NIPAL3: variants seen among roughly 807,000 people sequenced by gnomAD.
NIPAL3 encodes NIPA like domain containing 3.
Under a neutral mutation model 47.2 loss-of-function variants are expected in NIPAL3, and 41 were observed. The observed-to-expected ratio is 0.87, with a 90% CI of 0.68 to 1.13. The LOEUF is 1.13. Ranked by LOEUF, NIPAL3 falls within the 50% of genes most tolerant of loss-of-function variation. The pLI, the probability that NIPAL3 is intolerant of heterozygous loss-of-function variation, is 0.00. For missense variants in NIPAL3, 449 were observed against 530.1 expected (o/e 0.85, Z 1.50); for synonymous variants, 194 against 209.6 (o/e 0.93, Z 0.64).
At chr1:24,455,596 G>A (rs1646158025) in intron 7 of NIPAL3, among the ~76,000 whole-genome samples, 1 of 152,122 alleles carries the variant, frequency 6.6e-6, no homozygotes, top group South Asian at 2.1e-4. Flanking sequence ...AGATGGGAGG[G>A]TAGCTTGAGC....
intron 10 of NIPAL3, among the ~76,000 whole-genome samples, chr1:24,463,253 G>C (rs1202210209): frequency 6.6e-6 from 1 of 152,020 alleles, no homozygotes; most frequent in African/African-American, 2.4e-5. Flanking sequence ...AAAGAAACCA[G>C]ACATAAAAGA....
upstream of NIPAL3, chr1:24,415,336 T>G (rs1643965810): frequency 6.6e-6 from 1 of 152,250 alleles, no homozygotes; most frequent in South Asian, 2.1e-4. Context: ...GCGAGGGCTC[T>G]GGGGAGCGCT....
At chr1:24,455,227 T>C (rs1172478634) in intron 7 of NIPAL3, among the ~76,000 whole-genome samples, 1 of 152,224 alleles carries the variant, frequency 6.6e-6, no homozygotes, top group East Asian at 1.9e-4. Flanking sequence ...AACTCCTGTT[T>C]GGCAGGGCAG....
intron 10 of NIPAL3, among the ~76,000 whole-genome samples, chr1:24,462,987 A>G (rs1646541851): frequency 1.3e-5 from 2 of 149,320 alleles, no homozygotes; most frequent in Non-Finnish European, 2.9e-5. Flanking sequence ...AAATACTAAA[A>G]TACAAAATAC....
At chr1:24,428,258 A>AAGAGAGAGAGAGAGAGAGAGAGAG (rs56082168) in intron 2 of NIPAL3, among the ~76,000 whole-genome samples, 60 of 119,512 alleles carry the variant, frequency 5.0e-4, no homozygotes, top group East Asian at 7.9e-4. Context: ...CTCAAAAAGA[A>AAGAGAGAGAGAGAGAGAGAGAGAG]AGAGAGAGAG....
At chr1:24,430,437 A>G (rs1183678539) in intron 2 of NIPAL3, among the ~76,000 whole-genome samples, 1 of 152,064 alleles carries the variant, frequency 6.6e-6, no homozygotes, top group African/African-American at 2.4e-5. Flanking sequence ...TTTGGTAGAG[A>G]TGGGGTTTCA....
intron 11 of NIPAL3, chr1:24,466,238 A>G (rs1646693522): frequency 2.9e-6 from 2 of 683,258 alleles, no homozygotes; most frequent in Non-Finnish European, 4.8e-6. Flanking sequence ...AGACAAGGCC[A>G]CTCTGCAGCT....
intron 2 of NIPAL3, among the ~76,000 whole-genome samples, chr1:24,423,337 G>T (rs1644418667): frequency 6.6e-6 from 1 of 152,194 alleles, no homozygotes; most frequent in South Asian, 2.1e-4. Context: ...CATTGAAGAA[G>T]ATTTTTGTTG....
At chr1:24,419,929 A>C in intron 2 of NIPAL3, 1 of 285,200 alleles carries the variant, frequency 3.5e-6, no homozygotes, top group Non-Finnish European at 6.8e-6. Flanking sequence ...TAAAAACACA[A>C]AGATTGGCTG....
At chr1:24,438,377 T>C (rs991594563) in intron 2 of NIPAL3, among the ~76,000 whole-genome samples, 3 of 152,220 alleles carry the variant, frequency 2.0e-5, no homozygotes, top group African/African-American at 7.2e-5. Context: ...CTTTCCCTTC[T>C]GTGGCAGCGC....
chr1:24,431,568 C>G (rs572914106), intron 2 of NIPAL3, among the ~76,000 whole-genome samples: 1 of 152,096 alleles, frequency 6.6e-6, no homozygotes, highest in Non-Finnish European at 1.5e-5. Flanking sequence ...GAAATAATTT[C>G]TCTTTTAGAA....
rs779014257 is a variant in NIPAL3, at chr1:24,419,533, C to T, written c.-15C>T. 59 of 1,603,758 alleles carry T rather than the reference C, an allele frequency of 3.7e-5. No homozygotes were observed. The highest frequency in any genetic ancestry group is 3.9e-5 in the Non-Finnish European group (46 of 1,175,202). ...CTCCTAGGCCAGGCCCTGTGGGATG[C>T]GCCACTAGACCACCATGGACGGATC... is the stretch of plus-strand genomic sequence containing the variant. On this transcript the variant is annotated 5_prime_UTR_variant, in exon 2 of 12. Transcript: ENST00000374399.
At chr1:24,459,083 T>C (rs533864436) in intron 9 of NIPAL3, 107 bp downstream of exon 9, 1 of 941,112 alleles carries the variant, frequency 1.1e-6, no homozygotes, top group African/African-American at 1.6e-5. Context: ...CGTAGAGTGA[T>C]TTATGGGTTC....
At chr1:24,460,263 A>T (rs377066415) in intron 9 of NIPAL3, among the ~76,000 whole-genome samples, 106 of 152,312 alleles carry the variant, frequency 7.0e-4, no homozygotes, top group African/African-American at 2.4e-3. Context: ...AATAAAAGTT[A>T]AAAAACAACA....
At position 24,416,094 on chromosome 1, in the gene NIPAL3, G is replaced by A; in HGVS notation, c.-258+190G>A. On this transcript the variant is annotated intron_variant, in intron 1 of 11. Transcript: ENST00000374399. This position sits in a 1 kb window ranked among gnomAD's most constrained non-coding sequence, Gnocchi z 4.8. ...TTTGCATCGAGGCCAAGAGGAGCGGGGGCATGGGCTACCTTACTAAAGGTG... is the reference window on the plus strand; with the variant it reads ...TTTGCATCGAGGCCAAGAGGAGCGGAGGCATGGGCTACCTTACTAAAGGTG... 1 of 985,490 alleles carries A rather than the reference G, an allele frequency of 1.0e-6. No homozygotes were observed. Among genetic ancestry groups the A allele is most frequent in the African/African-American group, 1.7e-5 (1 of 57,328 alleles). The allele number at this position is 985,490 out of a possible 1,614,324, so 61.0% of individuals were successfully genotyped here. A position where few individuals can be genotyped will look rare whatever the true frequency, so the allele number is the denominator to read the frequency against.
At chr1:24,460,448 C>A in intron 9 of NIPAL3, 33 bp from the exon 10 acceptor site, 1 of 1,563,368 alleles carries the variant, frequency 6.4e-7, no homozygotes, top group Non-Finnish European at 8.7e-7. Context: ...TTGAAAACAG[C>A]TCAGCGGTAT....
At chr1:24,442,254 C>A in intron 4 of NIPAL3, 28 bp downstream of exon 4, 1 of 1,605,792 alleles carries the variant, frequency 6.2e-7, no homozygotes, top group South Asian at 1.1e-5. Context: ...CCACCCTCCC[C>A]TGGGGTGCTC....
upstream of NIPAL3, chr1:24,413,919 C>A (rs1643891489): frequency 6.6e-6 from 1 of 152,186 alleles, no homozygotes; most frequent in South Asian, 2.1e-4. Flanking sequence ...GGGTGGGGAA[C>A]TAATAAGAGG....
upstream of NIPAL3, chr1:24,414,368 G>GAA (rs750926198): frequency 0.22 from 31,810 of 142,134 alleles, 4,072 homozygotes; most frequent in East Asian, 0.44. Context: ...TCTAACAGAA[G>GAA]AAAAAAAAAA....
Sources: gnomAD v4.1 joint callset for allele counts (sites outside exome capture counted in the v4.1 genomes callset) on GRCh38, gnomAD v4.1.1 for gene constraint, Gnocchi (gnomAD v3.1) non-coding constraint, MANE v1.5 for transcripts, NCBI Gene and HGNC (gene_info 2026-07-23, HGNC 2026-07-21) for gene names.